Variants in KCNK13 observed in about 807,000 individuals in gnomAD.
KCNK13 encodes the protein potassium two pore domain channel subfamily K member 13.
In KCNK13, 12 loss-of-function variants were observed where a neutral mutation model predicts 23.4. The observed-to-expected ratio is 0.51, with a 90% confidence interval of 0.33 to 0.83. The LOEUF is 0.83. Ranked by LOEUF, KCNK13 falls within the 40% of genes least tolerant of loss-of-function variation. The pLI is 0.02. For synonymous variants in KCNK13, 231 were observed against 229.5 expected (o/e 1.01, Z -0.06); for missense variants, 463 against 556.3 (o/e 0.83, Z 1.69).
chr14:90,141,795 G>GC (rs796616017), intron 1 of KCNK13, among the ~76,000 whole-genome samples: 52 of 888 alleles, frequency 0.059, 2 homozygotes, highest in South Asian at 0.48. Flanking sequence ...TTTGTTTTTT[G>GC]GGGGGGGGGA....
intron 1 of KCNK13, among the ~76,000 whole-genome samples, chr14:90,072,452 T>G (rs938406): frequency 0.49 from 74,613 of 151,968 alleles, 19,965 homozygotes; most frequent in African/African-American, 0.71. Flanking sequence ...GAAACAGCAT[T>G]GTGCTGGCCA....
At chr14:90,107,225 A>G (rs1171474648) in intron 1 of KCNK13, among the ~76,000 whole-genome samples, 2 of 152,074 alleles carry the variant, frequency 1.3e-5, no homozygotes, top group Non-Finnish European at 2.9e-5. Context: ...CATGCCTGTA[A>G]TCCCAGCACT....
At chr14:90,132,316 A>G (rs11846909) in intron 1 of KCNK13, among the ~76,000 whole-genome samples, 89,615 of 152,046 alleles carry the variant, frequency 0.59, 27,835 homozygotes, top group East Asian at 0.95. Flanking sequence ...GGCCAAGGCG[A>G]GAGGATCACC....
At chr14:90,131,860 A>G (rs76372889) in intron 1 of KCNK13, among the ~76,000 whole-genome samples, 15,091 of 152,298 alleles carry the variant, frequency 0.099, 1,059 homozygotes, top group Admixed American at 0.25. Context: ...CAACGGCTAC[A>G]GAAAACAGTA....
Position 90,171,460 on chromosome 14 carries a change from G to T in KCNK13, c.335-12651G>T, listed in dbSNP as rs149989497. On this transcript the variant is annotated intron_variant, in intron 1 of 1. Transcript: ENST00000282146. ...GATTATGATTGTGGACCCTGAACAT[G>T]TGAGACATGTCTAAGTTAATTTAGA... is the stretch of plus-strand genomic sequence containing the variant. Among the ~76,000 whole-genome samples, 969 of 152,354 alleles carry T rather than the reference G, an allele frequency of 6.4e-3. 7 individuals carry two copies. Among genetic ancestry groups the T allele is most frequent in the African/African-American group, 0.022 (935 of 41,586 alleles).
intron 1 of KCNK13, among the ~76,000 whole-genome samples, chr14:90,094,894 G>A (rs1433882159): frequency 1.3e-5 from 2 of 151,974 alleles, no homozygotes; most frequent in African/African-American, 2.4e-5. Flanking sequence ...TGATCCTCCC[G>A]GCTCGGCCTC....
At chr14:90,120,457 G>A (rs77028141) in intron 1 of KCNK13, among the ~76,000 whole-genome samples, 1 of 152,282 alleles carries the variant, frequency 6.6e-6, no homozygotes, top group Non-Finnish European at 1.5e-5. Flanking sequence ...AAGTGGCTGG[G>A]GAGGCCTCAG....
At position 90,103,197 on chromosome 14, in the gene KCNK13, T is replaced by C. The variant is rs112169006; in HGVS notation, c.334+40658T>C. Among the ~76,000 whole-genome samples, 745 of 152,358 alleles carry C rather than the reference T, an allele frequency of 4.9e-3. 6 individuals are homozygous for C. Among genetic ancestry groups the C allele is most frequent in the African/African-American group, 0.017 (705 of 41,584 alleles). ...ATCCAATCCACTGTTGATGGGCACCTAGGTTGATTCTATGTCTTTGTTATT... is the reference window on the plus strand; with the variant it reads ...ATCCAATCCACTGTTGATGGGCACCCAGGTTGATTCTATGTCTTTGTTATT... On this transcript the variant is annotated intron_variant, in intron 1 of 1. Transcript: ENST00000282146.
intron 1 of KCNK13, among the ~76,000 whole-genome samples, chr14:90,116,539 G>A (rs1359193166): frequency 6.6e-6 from 1 of 152,218 alleles, no homozygotes; most frequent in Non-Finnish European, 1.5e-5. Context: ...CAAGCAGCCT[G>A]TAAGCAGCAG....
chr14:90,080,976 TG>T (rs1434762575), intron 1 of KCNK13, among the ~76,000 whole-genome samples: 5 of 152,164 alleles, frequency 3.3e-5, no homozygotes, highest in Non-Finnish European at 5.9e-5. Flanking sequence ...ACTCTCCAAA[TG>T]CCCCCTGGGA....
chr14:90,120,152 T>C (rs1889720372), intron 1 of KCNK13, among the ~76,000 whole-genome samples: 1 of 152,186 alleles, frequency 6.6e-6, no homozygotes, highest in South Asian at 2.1e-4. Context: ...CACTTATAAG[T>C]GACAACATGC....
At chr14:90,129,060 A>G (rs1268709272) in intron 1 of KCNK13, among the ~76,000 whole-genome samples, 2 of 152,150 alleles carry the variant, frequency 1.3e-5, no homozygotes, top group Non-Finnish European at 2.9e-5. Context: ...TAAGCAATGT[A>G]TTGCTTCACT....
intron 1 of KCNK13, among the ~76,000 whole-genome samples, chr14:90,139,574 A>G (rs551874079): frequency 2.2e-4 from 33 of 152,248 alleles, no homozygotes; most frequent in African/African-American, 7.9e-4. Flanking sequence ...TCCAATTTAT[A>G]TTTTTAAATG....
intron 1 of KCNK13, among the ~76,000 whole-genome samples, chr14:90,120,617 T>C (rs1327756747): frequency 2.0e-5 from 3 of 152,316 alleles, no homozygotes; most frequent in Middle Eastern, 3.4e-3. Flanking sequence ...GTGAACGGCA[T>C]GGGGGCAACT....
chr14:90,067,922 G>T (rs1490713691), intron 1 of KCNK13, among the ~76,000 whole-genome samples: 1 of 152,128 alleles, frequency 6.6e-6, no homozygotes, highest in East Asian at 1.9e-4. Flanking sequence ...GCAGTAACAA[G>T]CTACTCCCAA....
intron 1 of KCNK13, among the ~76,000 whole-genome samples, chr14:90,165,922 G>T (rs184784039): frequency 7.9e-5 from 12 of 152,122 alleles, no homozygotes; most frequent in Non-Finnish European, 1.6e-4. Context: ...ATTCCTCTTC[G>T]CAAGCTGATG....
intron 1 of KCNK13, among the ~76,000 whole-genome samples, chr14:90,108,687 C>T (rs1308188866): frequency 6.6e-6 from 1 of 152,188 alleles, no homozygotes; most frequent in Non-Finnish European, 1.5e-5. Flanking sequence ...GGATCAGAGG[C>T]ACAAGTGCAG....
At chr14:90,073,705 C>G (rs1889103391) in intron 1 of KCNK13, among the ~76,000 whole-genome samples, 1 of 152,206 alleles carries the variant, frequency 6.6e-6, no homozygotes, top group African/African-American at 2.4e-5. Context: ...GAGTCTCACT[C>G]TGTCACCCAG....
chr14:90,136,037 C>G (rs563428340), intron 1 of KCNK13, among the ~76,000 whole-genome samples: 100 of 152,162 alleles, frequency 6.6e-4, no homozygotes, highest in African/African-American at 2.3e-3. Context: ...CTGGCCCGGG[C>G]AGCAGTATGG....
Sources: gnomAD v4.1 joint callset for allele counts (sites outside exome capture counted in the v4.1 genomes callset) on GRCh38, gnomAD v4.1.1 for gene constraint, MANE v1.5 for transcripts, NCBI Gene and HGNC (gene_info 2026-07-23, HGNC 2026-07-21) for gene names.